The following PARL variants were observed in gnomAD, a reference collection of about 807,000 sequenced individuals.
PARL encodes the protein presenilin-associated rhomboid-like protein, mitochondrial.
Under a neutral mutation model 51.6 loss-of-function variants are expected in PARL, and 44 were observed. The observed-to-expected ratio is 0.85, with a 90% CI of 0.67 to 1.10. PARL has a LOEUF of 1.10. Ranked by LOEUF, PARL falls within the 50% of genes least tolerant of loss-of-function variation. The pLI is 0.00. For missense variants in PARL, 441 were observed against 469.5 expected, an observed-to-expected ratio of 0.94 and a Z score of 0.56; for synonymous variants, 172 against 164.0, an observed-to-expected ratio of 1.05 and a Z score of -0.37.
chr3:183,857,805 C>A (rs1036700749), intron 4 of PARL, among the ~76,000 whole-genome samples: 7 of 152,168 alleles, frequency 4.6e-5, no homozygotes, highest in African/African-American at 4.8e-5. Context: ...CAATTTGCTG[C>A]AATTTGTGCT....
intron 1 of PARL, among the ~76,000 whole-genome samples, chr3:183,882,997 C>G (rs1452842271): frequency 6.6e-6 from 1 of 152,168 alleles, no homozygotes; most frequent in Non-Finnish European, 1.5e-5. Context: ...GGCAAATGCT[C>G]TATTTCAGGC....
intron 1 of PARL, among the ~76,000 whole-genome samples, chr3:183,878,201 C>T (rs1734063123): frequency 6.6e-6 from 1 of 152,154 alleles, no homozygotes; most frequent in African/African-American, 2.4e-5. Context: ...ACCGCCCAGT[C>T]CTTGGTGTTC....
chr3:183,836,791 T>A (rs1411427844), intron 7 of PARL, among the ~76,000 whole-genome samples: 3 of 152,226 alleles, frequency 2.0e-5, no homozygotes, highest in African/African-American at 4.8e-5. Flanking sequence ...TTGCCCAAAC[T>A]GGAGTGCGGT....
chr3:183,829,024 AC>A (rs1315505148), downstream of PARL, among the ~76,000 whole-genome samples: 1 of 152,190 alleles, frequency 6.6e-6, no homozygotes, highest in South Asian at 2.1e-4. Flanking sequence ...ACTTCTTTCT[AC>A]CTCTTAATTT....
chr3:183,850,236 A>G (rs772167461), intron 4 of PARL, among the ~76,000 whole-genome samples: 23 of 152,144 alleles, frequency 1.5e-4, no homozygotes, highest in Admixed American at 2.6e-4. Flanking sequence ...CAGCAGGGCC[A>G]TGCTTCCTTT....
intron 1 of PARL, among the ~76,000 whole-genome samples, chr3:183,882,222 A>ATATAT (rs1553906018): frequency 2.2e-5 from 1 of 46,102 alleles, no homozygotes; most frequent in Admixed American, 3.5e-4. Context: ...AAAAAAAAAA[A>ATATAT]ATATATATAT....
chr3:183,853,783 A>G (rs1029937080), intron 4 of PARL, among the ~76,000 whole-genome samples: 23 of 152,226 alleles, frequency 1.5e-4, no homozygotes, highest in African/African-American at 5.5e-4. Flanking sequence ...ACACAAAGAG[A>G]AAATAACAAA....
chr3:183,839,980 T>C (rs1156418808), intron 7 of PARL, among the ~76,000 whole-genome samples: 1 of 152,154 alleles, frequency 6.6e-6, no homozygotes, highest in East Asian at 1.9e-4. Flanking sequence ...TCCTCTCACC[T>C]TGGCCTCCCA....
At chr3:183,864,537 G>A (rs904516661) in intron 3 of PARL, among the ~76,000 whole-genome samples, 5 of 152,140 alleles carry the variant, frequency 3.3e-5, no homozygotes, top group Non-Finnish European at 5.9e-5. Context: ...AGCACTTTTG[G>A]AGGCCGAGGT....
chr3:183,868,802 A>T (rs906473742), intron 1 of PARL, among the ~76,000 whole-genome samples: 1 of 152,142 alleles, frequency 6.6e-6, no homozygotes, highest in Non-Finnish European at 1.5e-5. Context: ...CCTTGAAGCC[A>T]CTCCAAATTC....
intron 1 of PARL, among the ~76,000 whole-genome samples, chr3:183,884,053 C>T (rs1186868012): frequency 1.3e-5 from 2 of 152,230 alleles, no homozygotes; most frequent in Non-Finnish European, 2.9e-5. Flanking sequence ...GCCAAATGCA[C>T]ATCAGATTCT....
At chr3:183,868,992 C>T (rs1176117482) in intron 1 of PARL, among the ~76,000 whole-genome samples, 1 of 152,136 alleles carries the variant, frequency 6.6e-6, no homozygotes, top group Non-Finnish European at 1.5e-5. Flanking sequence ...ATATCTAACA[C>T]TACTGATCAT....
chr3:183,826,820 C>A, downstream of PARL: 1 of 975,988 alleles, frequency 1.0e-6, no homozygotes, highest in Non-Finnish European at 1.2e-6. Context: ...TGGCAGATGG[C>A]GCTTGGGACT....
intron 1 of PARL, among the ~76,000 whole-genome samples, chr3:183,883,168 G>T (rs1365741094): frequency 6.6e-6 from 1 of 152,210 alleles, no homozygotes; most frequent in East Asian, 1.9e-4. Context: ...TTTACTAGAG[G>T]CTCATTAGTT....
intron 4 of PARL, among the ~76,000 whole-genome samples, chr3:183,859,660 C>T (rs922325273): frequency 6.6e-6 from 1 of 152,088 alleles, no homozygotes; most frequent in African/African-American, 2.4e-5. Flanking sequence ...TTTTACCTCA[C>T]CACCAGATGC....
chr3:183,872,198 T>C (rs1450505225), intron 1 of PARL, among the ~76,000 whole-genome samples: 1 of 152,076 alleles, frequency 6.6e-6, no homozygotes, highest in African/African-American at 2.4e-5. Context: ...GACGAGGTTT[T>C]ACCACGTTAT....
At chr3:183,851,246 C>T (rs932688532) in intron 4 of PARL, among the ~76,000 whole-genome samples, 3 of 152,052 alleles carry the variant, frequency 2.0e-5, no homozygotes, top group Non-Finnish European at 2.9e-5. Context: ...AATTAGGTCA[C>T]GGTTTCCTTG....
chr3:183,826,793 C>T, downstream of PARL: 2 of 985,380 alleles, frequency 2.0e-6, no homozygotes, highest in Non-Finnish European at 2.4e-6. Context: ...TCCGCCACGG[C>T]CCTGGGTTAG....
chr3:183,846,615 G>A (rs1050412975), intron 4 of PARL: 6 of 985,198 alleles, frequency 6.1e-6, no homozygotes, highest in Non-Finnish European at 7.2e-6. Flanking sequence ...ATGAGTACTG[G>A]CACTGAAACA....
Sources: allele counts gnomAD v4.1 joint callset (sites outside exome capture counted in the v4.1 genomes callset), GRCh38; gene constraint gnomAD v4.1.1; transcripts MANE v1.5; gene names NCBI Gene and HGNC (gene_info 2026-07-23, HGNC 2026-07-21).